The following SCARA5 variants were observed in gnomAD, a reference collection of about 807,000 sequenced individuals.
SCARA5 encodes scavenger receptor class A, member 5 (putative).
SCARA5 carries 45 observed loss-of-function variants against 46.3 expected under a neutral mutation model. The observed-to-expected ratio is 0.97, with a 90% CI of 0.76 to 1.24. The LOEUF is 1.24. SCARA5 is among the 50% of genes most tolerant of loss of function. The pLI, the probability that SCARA5 is intolerant of heterozygous loss-of-function variation, is 0.00. For missense variants in SCARA5, 680 were observed against 689.0 expected (o/e 0.99, Z 0.15); for synonymous variants, 333 against 306.5 (o/e 1.09, Z -0.90).
intron 7 of SCARA5, among the ~76,000 whole-genome samples, chr8:27,897,303 G>A (rs543921211): frequency 2.0e-5 from 3 of 152,302 alleles, no homozygotes; most frequent in Admixed American, 1.3e-4. Flanking sequence ...AGAGCCCACA[G>A]CTGCATCCAC....
At chr8:27,939,819 T>C (rs188864620) in intron 3 of SCARA5, among the ~76,000 whole-genome samples, 1 of 152,234 alleles carries the variant, frequency 6.6e-6, no homozygotes, top group Admixed American at 6.5e-5. Flanking sequence ...CTTAGAGAGA[T>C]CAGGTGGCTT....
chr8:27,981,164 C>T (rs1385576802), intron 2 of SCARA5, among the ~76,000 whole-genome samples: 1 of 152,230 alleles, frequency 6.6e-6, no homozygotes, highest in East Asian at 1.9e-4. Flanking sequence ...ACATTATTCT[C>T]ACTTTGCAGA....
chr8:27,888,145 C>T (rs564677838), intron 7 of SCARA5, among the ~76,000 whole-genome samples: 4 of 152,054 alleles, frequency 2.6e-5, no homozygotes, highest in Non-Finnish European at 5.9e-5. Context: ...CAACCTCTGT[C>T]CCCCAGGCTC....
chr8:27,910,658 G>A (rs1807358471), intron 4 of SCARA5, among the ~76,000 whole-genome samples: 1 of 152,224 alleles, frequency 6.6e-6, no homozygotes, highest in Non-Finnish European at 1.5e-5. Flanking sequence ...GGTGGGAGGT[G>A]AGACCCCTGG....
At position 27,958,987 on chromosome 8, in the gene SCARA5, C is replaced by T. The variant is rs377724328; in HGVS notation, c.241+7427G>A. On this transcript the variant is annotated intron_variant, in intron 3 of 8. Coordinates refer to ENST00000354914, the MANE Select transcript of SCARA5 (RefSeq NM_173833.6). ...GTGGCTCATGCCTGCAATCCCAGCA[C>T]GTTGGGAGGCCGAGGCAGGAAGATC... 9.2e-5 allele frequency among the ~76,000 whole-genome samples: 14 copies of T among 152,130 alleles called. No individual in the cohort carries two copies. The East Asian group carries it at 2.5e-3, about 27-fold the overall frequency.
chr8:27,874,521 C>T (rs1806692688), intron 8 of SCARA5, among the ~76,000 whole-genome samples: 1 of 152,220 alleles, frequency 6.6e-6, no homozygotes, highest in Non-Finnish European at 1.5e-5. Context: ...CATTTGATTG[C>T]ATATTGGCTT....
chr8:27,928,638 C>G (rs1357618658), intron 3 of SCARA5, among the ~76,000 whole-genome samples: 1 of 152,016 alleles, frequency 6.6e-6, no homozygotes, highest in African/African-American at 2.4e-5. Flanking sequence ...ACTTGTCTGT[C>G]TTTCTTTCTC....
chr8:27,909,603 T>C, intron 5 of SCARA5, 60 bp downstream of exon 5: 1 of 1,201,702 alleles, frequency 8.3e-7, no homozygotes, highest in Non-Finnish European at 1.2e-6. Flanking sequence ...ATCAAGAAAG[T>C]AGCGGGTAGA....
chr8:27,907,342 C>A lies in SCARA5; in HGVS notation c.998-96G>T, dbSNP rs919080669. On this transcript the variant is annotated intron_variant, in intron 5 of 8. Coordinates refer to ENST00000354914, the MANE Select transcript of SCARA5 (RefSeq NM_173833.6). ...GGTTCAAGGCTCAGCCTCCCCCATG[C>A]ATCCTCTCTTAGCCTCTGTGTCTGG... The A allele has an allele frequency of 1.6e-4, 131 of 794,656 alleles. No homozygotes were observed. The African/African-American group carries it at 2.0e-3, about 12-fold the overall frequency. The allele number at this position is 794,656 out of a possible 1,614,324, so 49.2% of individuals were successfully genotyped here. A position where few individuals can be genotyped will look rare whatever the true frequency, so the allele number is the denominator to read the frequency against.
intron 3 of SCARA5, among the ~76,000 whole-genome samples, chr8:27,928,497 G>T (rs1353228316): frequency 6.6e-6 from 1 of 152,126 alleles, no homozygotes; most frequent in South Asian, 2.1e-4. Flanking sequence ...GCACACAGAG[G>T]TTCAGTAACT....
chr8:27,927,528 T>C (rs1807700768), intron 3 of SCARA5, among the ~76,000 whole-genome samples: 1 of 152,222 alleles, frequency 6.6e-6, no homozygotes, highest in South Asian at 2.1e-4. Flanking sequence ...TATATTGTAA[T>C]CATTTTATAA....
At chr8:27,892,309 A>G (rs1443041619) in intron 7 of SCARA5, among the ~76,000 whole-genome samples, 1 of 152,198 alleles carries the variant, frequency 6.6e-6, no homozygotes. Flanking sequence ...GGTCCTGGTT[A>G]TCCCAAATCT....
At chr8:27,899,567 C>G (rs2129730104) in intron 7 of SCARA5, among the ~76,000 whole-genome samples, 1 of 152,330 alleles carries the variant, frequency 6.6e-6, no homozygotes, top group Middle Eastern at 3.4e-3. Context: ...TGGTCATGTG[C>G]AAAGGGCCAC....
At chr8:27,912,744 C>T (rs1181156687) in intron 4 of SCARA5, among the ~76,000 whole-genome samples, 3 of 152,230 alleles carry the variant, frequency 2.0e-5, no homozygotes, top group African/African-American at 4.8e-5. Flanking sequence ...TCCAATTTCA[C>T]CTGCCCCTCA....
intron 7 of SCARA5, 63 bp from the exon 8 acceptor site, chr8:27,879,829 C>G (rs1167651685): frequency 6.6e-7 from 1 of 1,518,786 alleles, no homozygotes. Context: ...CCCCAGGGGC[C>G]TTCTTTGACT....
chr8:27,931,514 A>G (rs1268127045), intron 3 of SCARA5, among the ~76,000 whole-genome samples: 1 of 152,082 alleles, frequency 6.6e-6, no homozygotes, highest in Non-Finnish European at 1.5e-5. Flanking sequence ...GATGAGTCAT[A>G]GGATAGGGCT....
chr8:27,878,997 T>A, intron 8 of SCARA5, among the ~76,000 whole-genome samples: 1 of 152,034 alleles, frequency 6.6e-6, no homozygotes, highest in East Asian at 1.9e-4. Flanking sequence ...AGTGGGAGGA[T>A]CGCTTGAGCC....
At chr8:27,975,468 G>C (rs1808508262) in intron 2 of SCARA5, among the ~76,000 whole-genome samples, 4 of 151,996 alleles carry the variant, frequency 2.6e-5, no homozygotes, top group Admixed American at 2.6e-4. Context: ...AAGGAAGTGG[G>C]TGCGGGGTGG....
chr8:27,973,864 C>T (rs1356625043), intron 2 of SCARA5, among the ~76,000 whole-genome samples: 1 of 152,158 alleles, frequency 6.6e-6, no homozygotes, highest in African/African-American at 2.4e-5. Flanking sequence ...CAATAGGACA[C>T]ATCGAAAATG....
Sources: allele counts gnomAD v4.1 joint callset (sites outside exome capture counted in the v4.1 genomes callset), GRCh38; gene constraint gnomAD v4.1.1; transcripts MANE v1.5; gene names NCBI Gene and HGNC (gene_info 2026-07-23, HGNC 2026-07-21).